Variants in GABRA1 observed in about 807,000 individuals in gnomAD.
GABRA1 encodes the protein gamma-aminobutyric acid type A receptor subunit alpha1.
GABRA1 carries 9 observed loss-of-function variants against 48.9 expected under a neutral mutation model. That is an observed-to-expected ratio of 0.18 (90% CI 0.11 to 0.32). The LOEUF (loss-of-function observed/expected upper bound fraction) is 0.32, where lower values mean the gene tolerates loss of function less well. Ranked by LOEUF, GABRA1 falls within the 10% of genes least tolerant of loss-of-function variation. The pLI, the probability that GABRA1 is intolerant of heterozygous loss-of-function variation, is 1.00. For missense variants in GABRA1, 285 were observed against 553.8 expected (o/e 0.51, Z 4.87); for synonymous variants, 210 against 198.7 (o/e 1.06, Z -0.48).
chr5:161,855,037 A>G (rs1757595289), intron 3 of GABRA1, among the ~76,000 whole-genome samples: 1 of 151,618 alleles, frequency 6.6e-6, no homozygotes, highest in Non-Finnish European at 1.5e-5. Context: ...AAGTGAAGCA[A>G]GGAAATAAAT....
At chr5:161,879,950 T>G (rs1177088814) in intron 6 of GABRA1, among the ~76,000 whole-genome samples, 1 of 152,194 alleles carries the variant, frequency 6.6e-6, no homozygotes, top group Non-Finnish European at 1.5e-5. Context: ...CAGTGCAATA[T>G]AAAAGCAAGA....
chr5:161,887,342 T>C (rs567198266), intron 7 of GABRA1, among the ~76,000 whole-genome samples: 5 of 152,230 alleles, frequency 3.3e-5, no homozygotes, highest in African/African-American at 1.2e-4. Context: ...TGGAGTAACA[T>C]TGGTGATCAT....
At chr5:161,878,689 C>T (rs962514405) in intron 6 of GABRA1, among the ~76,000 whole-genome samples, 8 of 152,056 alleles carry the variant, frequency 5.3e-5, no homozygotes, top group Non-Finnish European at 7.4e-5. Flanking sequence ...TCAGCTAACC[C>T]GAGGGCAATG....
intron 8 of GABRA1, among the ~76,000 whole-genome samples, chr5:161,892,810 C>T (rs553142491): frequency 6.6e-6 from 1 of 152,078 alleles, no homozygotes; most frequent in East Asian, 1.9e-4. Flanking sequence ...CGAGACCATC[C>T]TGGCCAACAT....
Position 161,860,107 on chromosome 5 carries a change from C to A in GABRA1, c.188-5614C>A, listed in dbSNP as rs1311008416. Among the ~76,000 whole-genome samples the A allele has an allele frequency of 2.6e-5, 4 of 151,790 alleles. No individual in the cohort carries two copies. The East Asian group carries it at 7.8e-4, about 29-fold the overall frequency. On this transcript the variant is annotated intron_variant, in intron 3 of 9. Coordinates refer to ENST00000393943, the MANE Select transcript of GABRA1 (RefSeq NM_001127644.2). ...AGAGAAAAGGTAGTTACCAAAACCC[C>A]AAGAAGAATTGTTAAAATGAACAGA... is the stretch of plus-strand genomic sequence containing the variant.
At chr5:161,876,876 A>G (rs1754376733) in intron 6 of GABRA1, among the ~76,000 whole-genome samples, 1 of 152,180 alleles carries the variant, frequency 6.6e-6, no homozygotes, top group South Asian at 2.1e-4. Flanking sequence ...CTAATCTTAC[A>G]GTTAGGAAGA....
At chr5:161,847,542 A>C (rs967107739), upstream of GABRA1, 1 of 152,116 alleles carries the variant, frequency 6.6e-6, no homozygotes, top group African/African-American at 2.4e-5. Context: ...AGCGCTCCCA[A>C]CCTGAGAAAG....
chr5:161,876,371 G>T (rs913555904), intron 6 of GABRA1, among the ~76,000 whole-genome samples: 2 of 152,074 alleles, frequency 1.3e-5, no homozygotes, highest in Non-Finnish European at 2.9e-5. Flanking sequence ...TTACATGCAT[G>T]GAGTGAGTGG....
rs1488399218 is a variant in GABRA1, at chr5:161,899,769, T to A, written c.*2347T>A. ...AGTTCCTGTTCACTCCCAGGAAACTTTTTTAAAAGATGACACTGAATGTTT... is the reference window on the plus strand; with the variant it reads ...AGTTCCTGTTCACTCCCAGGAAACTATTTTAAAAGATGACACTGAATGTTT... On this transcript the variant is annotated 3_prime_UTR_variant, in exon 10 of 10. Transcript: ENST00000393943. The A allele has an allele frequency of 3.9e-5, 6 of 152,186 alleles. 1 individual carries two copies. Among genetic ancestry groups the A allele is most frequent in the African/African-American group, 1.2e-4 (5 of 41,468 alleles). 9.4% of individuals were successfully genotyped at this position (152,186 alleles called of 1,614,324 possible).
rs73313196 is a variant in GABRA1, at chr5:161,867,329, G to A, written c.255+1541G>A. Among the ~76,000 whole-genome samples the A allele has an allele frequency of 5.5e-3, 840 of 152,146 alleles. 8 individuals carry two copies. The highest frequency in any genetic ancestry group is 0.018 in the African/African-American group (749 of 41,508). ...TTTAAGGTCAAATAAAAACTGTTCT[G>A]CCTGTATTCCCATAAATGATTTTGC... On this transcript the variant is annotated intron_variant, in intron 4 of 9. Coordinates refer to ENST00000393943, the MANE Select transcript of GABRA1 (RefSeq NM_001127644.2).
In GABRA1 at chr5:161,873,042, G is replaced by GCA. The variant is rs1459215986; in HGVS notation, c.256-73_256-72dup. On this transcript the variant is annotated intron_variant, in intron 4 of 9. Transcript: ENST00000393943. ...ATACTTCCAAAGTTGCAAAAATTATGCACTGTCTGCGTTAGATATTTGCAT... is the reference window on the plus strand; with the variant it reads ...ATACTTCCAAAGTTGCAAAAATTATGCACACTGTCTGCGTTAGATATTTGCAT... The GCA allele has an allele frequency of 3.4e-6, 4 of 1,162,548 alleles. No homozygotes were observed. The East Asian group carries it at 9.3e-5, about 27-fold the overall frequency. The allele number at this position is 1,162,548 out of a possible 1,614,324, so 72.0% of individuals were successfully genotyped here.
At chr5:161,889,908 A>T (rs1397336780) in intron 7 of GABRA1, among the ~76,000 whole-genome samples, 1 of 150,322 alleles carries the variant, frequency 6.7e-6, no homozygotes, top group Non-Finnish European at 1.5e-5. Context: ...ATTTTAAGTT[A>T]AAAAAAAAGA....
chr5:161,856,663 A>T (rs1561566304), intron 3 of GABRA1, among the ~76,000 whole-genome samples: 1 of 151,260 alleles, frequency 6.6e-6, no homozygotes, highest in South Asian at 2.1e-4. Flanking sequence ...TTTGATACTG[A>T]TTAAACTTTT....
At chr5:161,858,801 G>C (rs1442454077) in intron 3 of GABRA1, among the ~76,000 whole-genome samples, 1 of 151,720 alleles carries the variant, frequency 6.6e-6, no homozygotes, top group East Asian at 1.9e-4. Flanking sequence ...GTTAATGGTA[G>C]TTCCTGGAAA....
At chr5:161,861,544 A>G (rs1013284893) in intron 3 of GABRA1, among the ~76,000 whole-genome samples, 5 of 151,828 alleles carry the variant, frequency 3.3e-5, no homozygotes, top group African/African-American at 9.7e-5. Flanking sequence ...CTGAAGAATC[A>G]GGGACTGGTC....
rs1277792055 is a variant in GABRA1 at position 161,861,191 on chromosome 5, C to T, written c.188-4530C>T. On this transcript the variant is annotated intron_variant, in intron 3 of 9. Transcript: ENST00000393943. The stretch of plus-strand genomic sequence containing the variant: ...GAAATAGGGTGCCTGAGAGTTATCA[C>T]AGTTTGTACAATTTTGATCAAGACT... 3.3e-5 allele frequency among the ~76,000 whole-genome samples: 5 copies of T among 151,746 alleles called. 1 individual carries two copies. Among genetic ancestry groups the T allele is most frequent in the African/African-American group, 1.2e-4 (5 of 41,384 alleles).
chr5:161,894,259 A>G (rs1755260238), intron 8 of GABRA1, among the ~76,000 whole-genome samples: 1 of 152,190 alleles, frequency 6.6e-6, no homozygotes, highest in Non-Finnish European at 1.5e-5. Flanking sequence ...CGTGATTTTA[A>G]GTCAATTTTC....
At chr5:161,875,785 C>T (rs1754323395) in intron 6 of GABRA1, 143 bp downstream of exon 6, 1 of 699,324 alleles carries the variant, frequency 1.4e-6, no homozygotes, top group Non-Finnish European at 2.6e-6. Flanking sequence ...ATAAGTAGTG[C>T]TCTGTGACTT....
chr5:161,872,443 A>G (rs1473428398), intron 4 of GABRA1, among the ~76,000 whole-genome samples: 1 of 152,172 alleles, frequency 6.6e-6, no homozygotes, highest in Non-Finnish European at 1.5e-5. Flanking sequence ...ACATACTCAC[A>G]CACACCGACA....
Sources: gnomAD v4.1 joint callset for allele counts (sites outside exome capture counted in the v4.1 genomes callset) on GRCh38, gnomAD v4.1.1 for gene constraint, MANE v1.5 for transcripts, NCBI Gene and HGNC (gene_info 2026-07-23, HGNC 2026-07-21) for gene names.